Variants in WWC1 observed in about 807,000 individuals in gnomAD.
WWC1 encodes the protein protein KIBRA.
Under a neutral mutation model 138.4 loss-of-function variants are expected in WWC1, and 55 were observed. The observed-to-expected ratio is 0.40, with a 90% CI of 0.32 to 0.50. WWC1 has a LOEUF of 0.50. Among genes scored for constraint, WWC1 ranks in the 20% least tolerant of loss-of-function variants. The pLI is 0.72. For missense variants in WWC1, 1,226 were observed against 1,420.4 expected, an observed-to-expected ratio of 0.86 and a Z score of 2.20; for synonymous variants, 524 against 564.9, an observed-to-expected ratio of 0.93 and a Z score of 1.03.
chr5:168,303,965 T>G (rs1478902083), intron 1 of WWC1, among the ~76,000 whole-genome samples: 1 of 152,230 alleles, frequency 6.6e-6, no homozygotes, highest in African/African-American at 2.4e-5. Context: ...TGCTTCAGCT[T>G]TACATACCTT....
intron 17 of WWC1, among the ~76,000 whole-genome samples, chr5:168,451,225 T>C (rs1444175431): frequency 2.0e-5 from 3 of 152,078 alleles, no homozygotes; most frequent in East Asian, 1.9e-4. Flanking sequence ...TTTTATCATA[T>C]TGGTCAGGCT....
intron 19 of WWC1, among the ~76,000 whole-genome samples, chr5:168,456,964 G>A (rs1582372796): frequency 6.6e-6 from 1 of 152,040 alleles, no homozygotes; most frequent in Middle Eastern, 3.4e-3. Flanking sequence ...CCTTTTCCAG[G>A]ATTCGCATCT....
Position 168,431,118 on chromosome 5 carries a change from T to C in WWC1, c.2088-134T>C, listed in dbSNP as rs1582273105. 8 of 765,258 alleles carry C rather than the reference T, an allele frequency of 1.0e-5. No individual in the cohort carries two copies. The East Asian group carries it at 2.1e-4, about 20-fold the overall frequency. 47.4% of individuals were successfully genotyped at this position (765,258 alleles called of 1,614,324 possible). A position where few individuals can be genotyped will look rare whatever the true frequency, so the allele number is the denominator to read the frequency against. ...TTCCTTCCAGTGTATAGGGGCCTGATTCCCCAGATTCCTCACTTCTACAAA... is the reference window on the plus strand; with the variant it reads ...TTCCTTCCAGTGTATAGGGGCCTGACTCCCCAGATTCCTCACTTCTACAAA... On this transcript the variant is annotated intron_variant, in intron 14 of 22. Transcript: ENST00000265293.
rs79540065 is a variant in WWC1, at chr5:168,295,576, G to A, written c.119+3305G>A. 2.3e-4 allele frequency among the ~76,000 whole-genome samples: 35 copies of A among 151,314 alleles called. No individual in the cohort carries two copies. In the East Asian group the frequency reaches 6.6e-3, roughly 29 times the overall value. ...CATGGAGATGCCCACCCATTCCCCT[G>A]AATTTAAAAGAAGTAAGTCAAATGG... On this transcript the variant is annotated intron_variant, in intron 1 of 22. Coordinates refer to ENST00000265293, the MANE Select transcript of WWC1 (RefSeq NM_015238.3).
At chr5:168,371,590 C>G (rs1182743711) in intron 2 of WWC1, 57 bp downstream of exon 2, 2 of 1,279,472 alleles carry the variant, frequency 1.6e-6, no homozygotes, top group African/African-American at 2.9e-5. Context: ...CACCTCCAAG[C>G]CCATCCTCCC....
chr5:168,352,836 G>A (rs990541192), intron 1 of WWC1, among the ~76,000 whole-genome samples: 24 of 151,920 alleles, frequency 1.6e-4, no homozygotes, highest in Non-Finnish European at 2.5e-4. Context: ...CACCCACCTC[G>A]GCCTCTCAAA....
At chr5:168,375,375 C>T (rs75474700) in intron 2 of WWC1, among the ~76,000 whole-genome samples, 9 of 152,144 alleles carry the variant, frequency 5.9e-5, no homozygotes, top group African/African-American at 1.7e-4. Flanking sequence ...CCGACAGTGT[C>T]GAAGGCTTCT....
chr5:168,332,438 C>G (rs1773108764), intron 1 of WWC1, among the ~76,000 whole-genome samples: 1 of 152,116 alleles, frequency 6.6e-6, no homozygotes, highest in South Asian at 2.1e-4. Context: ...CTGGTTGCAT[C>G]TAATAATTCT....
intron 3 of WWC1, among the ~76,000 whole-genome samples, chr5:168,391,781 A>ATATATG (rs1554102876): frequency 6.9e-6 from 1 of 144,476 alleles, no homozygotes; most frequent in Non-Finnish European, 1.5e-5. Flanking sequence ...ATATATATAT[A>ATATATG]TATATATATA....
At chr5:168,459,202 C>T (rs1017971318) in intron 19 of WWC1, among the ~76,000 whole-genome samples, 2 of 140,228 alleles carry the variant, frequency 1.4e-5, no homozygotes, top group Non-Finnish European at 3.0e-5. Flanking sequence ...TGCAGTGAGA[C>T]GAGATAGCAC....
At chr5:168,328,220 C>T (rs1772724929) in intron 1 of WWC1, among the ~76,000 whole-genome samples, 1 of 152,184 alleles carries the variant, frequency 6.6e-6, no homozygotes, top group African/African-American at 2.4e-5. Context: ...TGCATAATAA[C>T]ATCTGCCTCA....
At chr5:168,462,420 C>G (rs1756898824) in intron 20 of WWC1, among the ~76,000 whole-genome samples, 1 of 152,112 alleles carries the variant, frequency 6.6e-6, no homozygotes, top group Admixed American at 6.6e-5. Flanking sequence ...CCAAAAGTTA[C>G]CTGGGGAGCT....
chr5:168,373,813 G>A (rs1226167403), intron 2 of WWC1, among the ~76,000 whole-genome samples: 2 of 149,980 alleles, frequency 1.3e-5, no homozygotes, highest in African/African-American at 2.4e-5. Context: ...TTGGGAGGCC[G>A]AGGTGGGCGG....
At chr5:168,359,033 G>GGGGTGTGTGTGT (rs1491404850) in intron 1 of WWC1, among the ~76,000 whole-genome samples, 4 of 148,204 alleles carry the variant, frequency 2.7e-5, no homozygotes, top group Admixed American at 1.3e-4. Flanking sequence ...GTGGTGGTGG[G>GGGGTGTGTGTGT]GTGTGTGTGT....
chr5:168,327,788 A>G lies in WWC1; in HGVS notation c.119+35517A>G, dbSNP rs557449943. On this transcript the variant is annotated intron_variant, in intron 1 of 22. Coordinates refer to ENST00000265293, the MANE Select transcript of WWC1 (RefSeq NM_015238.3). ...TAGCATTAAGTTGGCTGCTGTCTCC[A>G]CTCTGGAAGGATATCAAATGAGAAT... is the stretch of plus-strand genomic sequence containing the variant. 5.2e-4 allele frequency among the ~76,000 whole-genome samples: 79 copies of G among 152,282 alleles called. 1 individual carries two copies. In the South Asian group the frequency reaches 0.016, roughly 30 times the overall value.
intron 19 of WWC1, among the ~76,000 whole-genome samples, chr5:168,457,918 G>C (rs1756475811): frequency 6.6e-6 from 1 of 152,078 alleles, no homozygotes; most frequent in African/African-American, 2.4e-5. Context: ...TTCAATTCAA[G>C]AGACAATAGT....
intron 1 of WWC1, among the ~76,000 whole-genome samples, chr5:168,335,449 C>T (rs1025166426): frequency 3.3e-5 from 5 of 150,948 alleles, no homozygotes; most frequent in South Asian, 2.1e-4. Flanking sequence ...AGCGAGACTC[C>T]GTTCTCTTAA....
intron 3 of WWC1, among the ~76,000 whole-genome samples, chr5:168,387,044 A>G (rs970895187): frequency 2.0e-5 from 3 of 152,226 alleles, no homozygotes; most frequent in Admixed American, 2.0e-4. Context: ...ATTTCTGTTA[A>G]TTCTCATAAC....
Position 168,464,797 on chromosome 5 carries a change from G to A in WWC1, c.2985G>A (p.Leu995=), listed in dbSNP as rs774235107. The part of the protein sequence containing the change: ...IRTSLDLELD[L]QATRTWHSQL... ...CCTCGCTGGACCTGGAGTTAGACCT[G>A]CAGGCGACAAGAACCTGGCACAGCC... The change falls in exon 21 of 23, where the codon CTG becomes CTA. Residue 995 remains leucine (L), a synonymous_variant. Transcript: ENST00000265293. 2.5e-6 allele frequency: 4 copies of A among 1,614,172 alleles called. No individual in the cohort carries two copies. In the South Asian group the frequency reaches 3.3e-5, roughly 13 times the overall value.
Sources: allele counts gnomAD v4.1 joint callset (sites outside exome capture counted in the v4.1 genomes callset), GRCh38; gene constraint gnomAD v4.1.1; transcripts MANE v1.5; gene names NCBI Gene and HGNC (gene_info 2026-07-23, HGNC 2026-07-21).